Variants in CD5 observed in about 807,000 individuals in gnomAD.
CD5 encodes CD5 molecule.
CD5 carries 36 observed loss-of-function variants against 60.3 expected under a neutral mutation model. The ratio of observed to expected loss-of-function variants is 0.60; its 90% CI spans 0.46 to 0.79. The LOEUF (loss-of-function observed/expected upper bound fraction) is 0.79. Ranked by LOEUF, CD5 falls within the 30% of genes least tolerant of loss-of-function variation. CD5 has a pLI of 0.00. For synonymous variants in CD5, 230 were observed against 257.6 expected, an observed-to-expected ratio of 0.89 and a Z score of 1.03; for missense variants, 540 against 630.6, an observed-to-expected ratio of 0.86 and a Z score of 1.54.
At chr11:61,124,795 C>A (rs1421299380) in intron 8 of CD5, among the ~76,000 whole-genome samples, 1 of 151,912 alleles carries the variant, frequency 6.6e-6, no homozygotes, top group East Asian at 1.9e-4. Context: ...GAAGGCCCCA[C>A]CCTGCCAGTC....
rs1239995113 is a variant in CD5 at position 61,121,807 on chromosome 11, C to T, written c.1002C>T (p.Asp334=). 6.2e-7 allele frequency: 1 copy of T among 1,609,316 alleles called. No homozygotes were observed. The highest frequency in any genetic ancestry group is 8.5e-7 in the Non-Finnish European group (1 of 1,176,506). Residue 334 remains aspartate, a synonymous_variant, in exon 6 of 11, where the codon GAC becomes GAT. Coordinates refer to ENST00000347785, the MANE Select transcript of CD5 (RefSeq NM_014207.4). Reference sequence around the variant, plus strand: ...CCTATCGAGTGCTGGACGCTGGTGACCCAACATCCCGGGGGCTCTTCTGTC... The same window carrying T: ...CCTATCGAGTGCTGGACGCTGGTGATCCAACATCCCGGGGGCTCTTCTGTC... ...VNSYRVLDAG[D]PTSRGLFCPH...
chr11:61,102,778 C>T (rs906765978), intron 1 of CD5, among the ~76,000 whole-genome samples, 163 bp downstream of exon 1: 4 of 152,190 alleles, frequency 2.6e-5, no homozygotes, highest in South Asian at 2.1e-4. Flanking sequence ...CCCACTAAGC[C>T]GCAGCTTGGC....
At position 61,122,312 on chromosome 11, in the gene CD5, GTGGATGGA is replaced by G. The variant is rs759628102; in HGVS notation, c.1099+442_1099+449del. 2.8e-3 allele frequency among the ~76,000 whole-genome samples: 140 copies of G among 50,584 alleles called. 1 individual carries two copies. Among genetic ancestry groups the G allele is most frequent in the African/African-American group, 8.7e-3 (79 of 9,102 alleles). The allele number at this position is 50,584 out of a possible 152,430, so 33.2% of individuals were successfully genotyped here. A position where few individuals can be genotyped will look rare whatever the true frequency, so the allele number is the denominator to read the frequency against. On this transcript the variant is annotated intron_variant, in intron 6 of 10. Coordinates refer to ENST00000347785, the MANE Select transcript of CD5 (RefSeq NM_014207.4). The stretch of plus-strand genomic sequence containing the variant: ...GATTGGTGGGTGGGTGGGTGGGTGG[GTGGATGGA>G]TGGATGGATGGATGGATGGATGGAT...
intron 2 of CD5, among the ~76,000 whole-genome samples, chr11:61,115,959 C>T (rs1322127717): frequency 6.6e-6 from 1 of 152,232 alleles, no homozygotes; most frequent in Non-Finnish European, 1.5e-5. Context: ...CGGCAACGAG[C>T]CAGCTCGCTG....
Position 61,115,109 on chromosome 11 carries a change from C to A in CD5, c.94+15C>A. 6.4e-7 allele frequency: 1 copy of A among 1,553,276 alleles called. No homozygotes were observed. Among genetic ancestry groups the A allele is most frequent in the Non-Finnish European group, 8.7e-7 (1 of 1,147,676 alleles). Reference sequence around the variant, plus strand: ...GTATGACCCAGGTAAGGAAGAGCCACATGGAGAAAGGCCTGGGGCAGGGGG... The same window carrying A: ...GTATGACCCAGGTAAGGAAGAGCCAAATGGAGAAAGGCCTGGGGCAGGGGG... On this transcript the variant is annotated intron_variant, in intron 2 of 10. Coordinates refer to ENST00000347785, the MANE Select transcript of CD5 (RefSeq NM_014207.4).
At chr11:61,122,007 A>G (rs1861067747) in intron 6 of CD5, 103 bp downstream of exon 6, 1 of 964,560 alleles carries the variant, frequency 1.0e-6, no homozygotes, top group Non-Finnish European at 1.4e-6. Context: ...GGAGCTAGAC[A>G]GAGAGTCCCA....
In CD5 at chr11:61,127,812, T is replaced by TA. The variant is rs1271803090; in HGVS notation, c.*1532dup. 6.6e-6 allele frequency: 1 copy of TA among 152,192 alleles called. No individual in the cohort carries two copies. Among genetic ancestry groups the TA allele is most frequent in the Admixed American group, 6.5e-5 (1 of 15,286 alleles). The allele number at this position is 152,192 out of a possible 1,614,324, so 9.4% of individuals were successfully genotyped here. On this transcript the variant is annotated 3_prime_UTR_variant, in exon 11 of 11. Coordinates refer to ENST00000347785, the MANE Select transcript of CD5 (RefSeq NM_014207.4). Reference sequence around the variant, plus strand: ...GGCCTCAAAGCAACCATGGCCTACTTAAAAACCAAACCAAAAATAAAGAGT... The same window carrying TA: ...GGCCTCAAAGCAACCATGGCCTACTTAAAAAACCAAACCAAAAATAAAGAGT...
In CD5 at chr11:61,125,098, T is replaced by C; in HGVS notation, c.1346T>C (p.Val449Ala). ...SHAENPTASH[V>A]DNEYSQPPRN... Reference sequence around the variant, plus strand: ...GCTGAGAACCCCACAGCCTCCCACGTGGATAACGAATACAGCCAACCTCCC... The same window carrying C: ...GCTGAGAACCCCACAGCCTCCCACGCGGATAACGAATACAGCCAACCTCCC... The change falls in exon 9 of 11, where the codon GTG (valine) becomes GCG (alanine). Residue 449 changes from valine (V) to alanine (A), a missense_variant. Val to Ala is a moderately conservative substitution (Grantham distance 64). Transcript: ENST00000347785. The C allele has an allele frequency of 1.2e-6, 2 of 1,614,008 alleles. No individual in the cohort carries two copies. The highest frequency in any genetic ancestry group is 1.3e-5 in the African/African-American group (1 of 75,002).
chr11:61,125,783 C>T lies in CD5; in HGVS notation c.1432C>T (p.Gln478Ter). 1 of 1,612,436 alleles carries T rather than the reference C, an allele frequency of 6.2e-7. No individual in the cohort carries two copies. Among genetic ancestry groups the T allele is most frequent in the South Asian group, 1.1e-5 (1 of 90,884 alleles). ...AGGGGCTCTGCATCGCTCCTCCATG[C>T]AGCCTGACAACTCCTCCGACAGTGA... The part of the protein sequence containing the change: ...LEGALHRSSM[Q>*]PDNSSDSDYD... Residue 478 changes from glutamine (Q) to a stop codon, truncating the protein, a stop_gained, in exon 10 of 11, where the codon CAG becomes TAG. Coordinates refer to ENST00000347785, the MANE Select transcript of CD5 (RefSeq NM_014207.4). LOFTEE classifies it high-confidence loss of function.
chr11:61,097,220 G>A, the CD5 span, among the ~76,000 whole-genome samples: 1 of 152,162 alleles, frequency 6.6e-6, no homozygotes, highest in Non-Finnish European at 1.5e-5. Flanking sequence ...GAACTGTAAT[G>A]GGAGGTCAAT....
Position 61,125,348 on chromosome 11 carries a change from T to G in CD5, c.1399+197T>G, listed in dbSNP as rs200619430. Among the ~76,000 whole-genome samples the G allele has an allele frequency of 4.6e-5, 7 of 152,324 alleles. No individual in the cohort carries two copies. In the East Asian group the frequency reaches 1.4e-3, roughly 29 times the overall value. On this transcript the variant is annotated intron_variant, in intron 9 of 10. Transcript: ENST00000347785. ...CCTTTGCAGGCCCCAGCTGTCCCGTTTGAGACCACAAACTACTCATCTGGA... is the reference window on the plus strand; with the variant it reads ...CCTTTGCAGGCCCCAGCTGTCCCGTGTGAGACCACAAACTACTCATCTGGA...
At chr11:61,109,955 T>C (rs1410915658) in intron 1 of CD5, among the ~76,000 whole-genome samples, 3 of 151,982 alleles carry the variant, frequency 2.0e-5, no homozygotes, top group African/African-American at 7.2e-5. Flanking sequence ...CCTCCTGGTC[T>C]GGAGTCTCGG....
intron 1 of CD5, among the ~76,000 whole-genome samples, chr11:61,112,137 C>T (rs1860865035): frequency 1.3e-5 from 2 of 152,236 alleles, no homozygotes; most frequent in African/African-American, 2.4e-5. Flanking sequence ...GGTGGCACTT[C>T]AAGCTGCCTT....
At position 61,121,673 on chromosome 11, in the gene CD5, G is replaced by A; in HGVS notation, c.868G>A (p.Glu290Lys). 1 of 1,585,142 alleles carries A rather than the reference G, an allele frequency of 6.3e-7. No homozygotes were observed. The highest frequency in any genetic ancestry group is 8.6e-7 in the Non-Finnish European group (1 of 1,160,928). The part of the protein sequence containing the change: ...GGSSICEGTV[E>K]VRQGAQWAAL... ...CAGCAGCATCTGTGAAGGCACCGTG[G>A]AGGTGCGCCAGGGGGCTCAGTGGGC... The change falls in exon 6 of 11, where the codon GAG (glutamate) becomes AAG (lysine). Residue 290 changes from glutamate (E) to lysine (K), a missense_variant. Transcript: ENST00000347785.
At chr11:61,101,911 TACACACACACACACA>T (rs1860698687), upstream of CD5, among the ~76,000 whole-genome samples, 3 of 142,346 alleles carry the variant, frequency 2.1e-5, no homozygotes, top group African/African-American at 7.8e-5. Flanking sequence ...TCTCTCTCTC[TACACACACACACACA>T]CACACACACA....
chr11:61,097,002 A>G, the CD5 span, among the ~76,000 whole-genome samples: 3 of 152,270 alleles, frequency 2.0e-5, no homozygotes, highest in Non-Finnish European at 2.9e-5. Flanking sequence ...ACCTGTCCCT[A>G]AACCAGGGAC....
At chr11:61,097,654 T>C (rs1263618512), upstream of CD5, among the ~76,000 whole-genome samples, 1 of 152,108 alleles carries the variant, frequency 6.6e-6, no homozygotes, top group Non-Finnish European at 1.5e-5. Flanking sequence ...CAACTGCCCA[T>C]AAAAACAGGT....
the CD5 span, among the ~76,000 whole-genome samples, chr11:61,094,761 T>G: frequency 1.3e-5 from 2 of 151,980 alleles, no homozygotes; most frequent in Non-Finnish European, 2.9e-5. Context: ...GTTGAAAAAT[T>G]TCAAAAAGGG....
chr11:61,116,422 CACA>C (rs1860946670), intron 2 of CD5, among the ~76,000 whole-genome samples: 2 of 140,502 alleles, frequency 1.4e-5, no homozygotes, highest in Non-Finnish European at 3.1e-5. Context: ...CACACATACA[CACA>C]ACCACACCAC....
Sources: allele counts gnomAD v4.1 joint callset (sites outside exome capture counted in the v4.1 genomes callset), GRCh38; gene constraint gnomAD v4.1.1; transcripts MANE v1.5; gene names NCBI Gene and HGNC (gene_info 2026-07-23, HGNC 2026-07-21).